The following PTPN5 variants were observed in gnomAD, a reference collection of about 807,000 sequenced individuals.
The protein encoded by PTPN5 is tyrosine-protein phosphatase non-receptor type 5.
A neutral mutation model predicts 73.9 loss-of-function variants in PTPN5; 29 were observed. That is an observed-to-expected ratio of 0.39 (90% CI 0.29 to 0.54). The LOEUF (loss-of-function observed/expected upper bound fraction) is 0.54. Among genes scored for constraint, PTPN5 ranks in the 20% least tolerant of loss-of-function variants. The probability of loss-of-function intolerance (pLI) is 0.65; values close to 1 mark genes in which losing one functional copy is unlikely to be tolerated. For missense variants in PTPN5, 652 were observed against 751.4 expected (o/e 0.87, Z 1.55); for synonymous variants, 267 against 304.7 (o/e 0.88, Z 1.29).
At chr11:18,786,542 AAGG>A (rs1851680734) in intron 1 of PTPN5, among the ~76,000 whole-genome samples, 1 of 152,250 alleles carries the variant, frequency 6.6e-6, no homozygotes. Context: ...CCCCTAAGAT[AAGG>A]AAGAGCCTTT....
intron 2 of PTPN5, among the ~76,000 whole-genome samples, chr11:18,766,774 G>C (rs1850663922): frequency 2.6e-5 from 4 of 152,208 alleles, no homozygotes; most frequent in Non-Finnish European, 4.4e-5. Context: ...GGGCTCCAGT[G>C]GCCTTGTCTG....
chr11:18,757,344 T>C (rs1850203300), intron 3 of PTPN5, among the ~76,000 whole-genome samples: 1 of 152,154 alleles, frequency 6.6e-6, no homozygotes, highest in East Asian at 1.9e-4. Context: ...GCAGACACAC[T>C]CAGCACTGTC....
chr11:18,748,321 C>T (rs1198909162), intron 3 of PTPN5, among the ~76,000 whole-genome samples: 1 of 152,130 alleles, frequency 6.6e-6, no homozygotes, highest in African/African-American at 2.4e-5. Context: ...GGTTAACTGT[C>T]TTGCACATTA....
At chr11:18,748,583 T>A (rs1849742201) in intron 3 of PTPN5, among the ~76,000 whole-genome samples, 1 of 152,060 alleles carries the variant, frequency 6.6e-6, no homozygotes, top group Admixed American at 6.6e-5. Flanking sequence ...CACTCTATAT[T>A]CTGCACATAA....
At chr11:18,777,223 C>T (rs1157057038) in intron 1 of PTPN5, among the ~76,000 whole-genome samples, 1 of 152,182 alleles carries the variant, frequency 6.6e-6, no homozygotes, top group African/African-American at 2.4e-5. Flanking sequence ...TGGCTCTGGA[C>T]TCCCCCAGTA....
At chr11:18,789,647 T>C (rs1851822296) in intron 1 of PTPN5, among the ~76,000 whole-genome samples, 1 of 152,186 alleles carries the variant, frequency 6.6e-6, no homozygotes, top group Non-Finnish European at 1.5e-5. Context: ...AAAAAGGAAG[T>C]TCTCGATGGA....
At chr11:18,746,151 TTATAAA>T (rs1416862737) in intron 3 of PTPN5, among the ~76,000 whole-genome samples, 43 of 97,228 alleles carry the variant, frequency 4.4e-4, no homozygotes, top group African/African-American at 1.3e-3. Context: ...TGAAAAGCTG[TTATAAA>T]TATAAATATA....
At chr11:18,781,377 C>T (rs895175499) in intron 1 of PTPN5, among the ~76,000 whole-genome samples, 6 of 139,692 alleles carry the variant, frequency 4.3e-5, no homozygotes, top group Non-Finnish European at 3.0e-5. Flanking sequence ...TGGAGCGCAG[C>T]GGCGCGATCT....
intron 2 of PTPN5, among the ~76,000 whole-genome samples, chr11:18,770,608 C>T (rs1850840670): frequency 6.6e-6 from 1 of 152,228 alleles, no homozygotes; most frequent in African/African-American, 2.4e-5. Flanking sequence ...GTGAACCAAA[C>T]TGCTCTGTTT....
chr11:18,754,318 G>GA (rs1850030066), intron 3 of PTPN5, among the ~76,000 whole-genome samples: 1 of 152,136 alleles, frequency 6.6e-6, no homozygotes, highest in South Asian at 2.1e-4. Context: ...GGCTGTCTGG[G>GA]AATCAACAAC....
chr11:18,761,895 C>T (rs1235653630), intron 3 of PTPN5, among the ~76,000 whole-genome samples: 2 of 152,152 alleles, frequency 1.3e-5, no homozygotes, highest in Non-Finnish European at 2.9e-5. Flanking sequence ...TGGAGGTGTG[C>T]GTCCGCCCCT....
intron 1 of PTPN5, among the ~76,000 whole-genome samples, chr11:18,784,430 C>T (rs1376345011): frequency 6.6e-6 from 1 of 152,000 alleles, no homozygotes; most frequent in Non-Finnish European, 1.5e-5. Flanking sequence ...TTACACGAGG[C>T]ACCTAGAATA....
At chr11:18,752,109 T>C (rs564983276) in intron 3 of PTPN5, among the ~76,000 whole-genome samples, 1 of 152,274 alleles carries the variant, frequency 6.6e-6, no homozygotes, top group South Asian at 2.1e-4. Context: ...TGTGCGTCTG[T>C]AGTCCCAGCT....
chr11:18,756,946 A>C (rs1190451408), intron 3 of PTPN5, among the ~76,000 whole-genome samples: 1 of 151,102 alleles, frequency 6.6e-6, no homozygotes. Context: ...ACCAAAAAAC[A>C]AAAACAAAAC....
Position 18,743,090 on chromosome 11 carries a change from A to C in PTPN5, c.400-15T>G. The C allele has an allele frequency of 6.5e-7, 1 of 1,532,150 alleles. No individual in the cohort carries two copies. The highest frequency in any genetic ancestry group is 2.5e-5 in the East Asian group (1 of 40,814). 94.9% of individuals were successfully genotyped at this position (1,532,150 alleles called of 1,614,324 possible). ...TCAAGCCAGGCCTGGGGAACATCAG[A>C]TAAACAGGTCAGGGTGGTGGTGGGG... On this transcript the variant is annotated splice_polypyrimidine_tract_variant and intron_variant, in intron 5 of 14. Coordinates refer to ENST00000358540, the MANE Select transcript of PTPN5 (RefSeq NM_006906.2).
At chr11:18,740,347 T>C in intron 8 of PTPN5, 1 of 322,880 alleles carries the variant, frequency 3.1e-6, no homozygotes, top group Non-Finnish European at 5.6e-6. Flanking sequence ...CTCCATCACC[T>C]GGCTGGGTGC....
At position 18,733,325 on chromosome 11, in the gene PTPN5, G is replaced by T; in HGVS notation, c.1128C>A (p.Ile376=). 2 of 1,614,124 alleles carry T rather than the reference G, an allele frequency of 1.2e-6. No homozygotes were observed. Among genetic ancestry groups the T allele is most frequent in the Non-Finnish European group, 1.7e-6 (2 of 1,180,004 alleles). Residue 376 remains isoleucine (I), a synonymous_variant, in exon 11 of 15, where the codon ATC becomes ATA. Coordinates refer to ENST00000358540, the MANE Select transcript of PTPN5 (RefSeq NM_006906.2). This position sits in a 1 kb window ranked among gnomAD's most constrained non-coding sequence, Gnocchi z 4.3. ...GCCAGAAGTCGGCGACCGTGCTGAC[G>T]ATGGGTCCCTGAGTGGCGATGTACA... ...EKVYIATQGP[I]VSTVADFWRM... is the part of the protein sequence containing the mutation.
intron 3 of PTPN5, among the ~76,000 whole-genome samples, chr11:18,761,820 C>A (rs757287845): frequency 6.6e-6 from 1 of 152,036 alleles, no homozygotes; most frequent in Non-Finnish European, 1.5e-5. Context: ...GTGGAAGCCG[C>A]GGGATGGAGG....
intron 1 of PTPN5, among the ~76,000 whole-genome samples, chr11:18,783,207 T>G (rs1051942143): frequency 6.6e-6 from 1 of 152,152 alleles, no homozygotes; most frequent in African/African-American, 2.4e-5. Flanking sequence ...GAAATGGCAA[T>G]GCCTCACCCC....
Sources: allele counts gnomAD v4.1 joint callset (sites outside exome capture counted in the v4.1 genomes callset), GRCh38; gene constraint gnomAD v4.1.1; non-coding constraint Gnocchi (gnomAD v3.1); transcripts MANE v1.5; gene names NCBI Gene and HGNC (gene_info 2026-07-23, HGNC 2026-07-21).